The following LRP6 variants were observed in gnomAD, a reference collection of about 807,000 sequenced individuals.
LRP6 encodes low-density lipoprotein receptor-related protein 6.
In LRP6, 43 loss-of-function variants were observed where a neutral mutation model predicts 184.1. That is an observed-to-expected ratio of 0.23 (90% CI 0.18 to 0.30). The LOEUF (loss-of-function observed/expected upper bound fraction) is 0.30, where lower values mean the gene tolerates loss of function less well. Among genes scored for constraint, LRP6 ranks in the 10% least tolerant of loss-of-function variants. The pLI, the probability that LRP6 is intolerant of heterozygous loss-of-function variation, is 1.00. For synonymous variants in LRP6, 719 were observed against 684.9 expected (o/e 1.05, Z -0.78); for missense variants, 1,571 against 2,005.3 (o/e 0.78, Z 4.14).
chr12:12,206,424 T>C (rs1864058214), intron 2 of LRP6, among the ~76,000 whole-genome samples: 1 of 151,314 alleles, frequency 6.6e-6, no homozygotes, highest in South Asian at 2.1e-4. Flanking sequence ...ATGCCTATAG[T>C]CCCAGCTACT....
At chr12:12,169,882 A>G (rs1862985438) in intron 7 of LRP6, among the ~76,000 whole-genome samples, 2 of 152,172 alleles carry the variant, frequency 1.3e-5, no homozygotes, top group Admixed American at 6.5e-5. Flanking sequence ...TTGTAAGCAC[A>G]CTGTTTCCTT....
At chr12:12,197,802 G>C (rs1591937260) in intron 3 of LRP6, among the ~76,000 whole-genome samples, 2 of 152,280 alleles carry the variant, frequency 1.3e-5, no homozygotes, top group East Asian at 3.9e-4. Context: ...CCAACACTTT[G>C]GTAGGCCGAG....
chr12:12,135,843 C>T (rs149805106), intron 16 of LRP6, among the ~76,000 whole-genome samples: 1,737 of 152,146 alleles, frequency 0.011, 30 homozygotes, highest in African/African-American at 0.04. Flanking sequence ...TGGTAAAGCT[C>T]ATCTTAATTT....
intron 10 of LRP6, among the ~76,000 whole-genome samples, chr12:12,160,747 T>G (rs909603874): frequency 2.0e-4 from 30 of 152,370 alleles, no homozygotes; most frequent in African/African-American, 6.7e-4. Context: ...ACTTATCTAA[T>G]GTCTTCAAGC....
In LRP6 at chr12:12,186,969, G is replaced by A. The variant is rs1252896498; in HGVS notation, c.798C>T (p.Phe266=). 1.2e-6 allele frequency: 2 copies of A among 1,614,162 alleles called. No homozygotes were observed. Among genetic ancestry groups the A allele is most frequent in the Non-Finnish European group, 1.7e-6 (2 of 1,180,020 alleles). The change falls in exon 4 of 23, where the codon TTC becomes TTT. Residue 266 remains phenylalanine (F), a synonymous_variant. Coordinates refer to ENST00000261349, the MANE Select transcript of LRP6 (RefSeq NM_002336.3). The part of the protein sequence containing the change: ...EGLREIHSDI[F]SPMDIHAFSQ... Reference sequence around the variant, plus strand: ...TGAAGGCATGTATATCCATGGGAGAGAAGATGTCAGAATGGATTTCACGCA... The same window carrying A: ...TGAAGGCATGTATATCCATGGGAGAAAAGATGTCAGAATGGATTTCACGCA...
At position 12,266,952 on chromosome 12, in the gene LRP6, C is replaced by A; in HGVS notation, c.-217G>T. The A allele has an allele frequency of 1.8e-6, 1 of 559,872 alleles. No individual in the cohort carries two copies. Among genetic ancestry groups the A allele is most frequent in the South Asian group, 2.2e-5 (1 of 45,278 alleles). 34.7% of individuals were successfully genotyped at this position (559,872 alleles called of 1,614,324 possible). Reference sequence around the variant, plus strand: ...CCCCGGGCTCGCGCGACGCCAGCGTCTGCTTCCATCCCGCCGCCTCCTCCC... The same window carrying A: ...CCCCGGGCTCGCGCGACGCCAGCGTATGCTTCCATCCCGCCGCCTCCTCCC... On this transcript the variant is annotated 5_prime_UTR_variant, in exon 1 of 23. Coordinates refer to ENST00000261349, the MANE Select transcript of LRP6 (RefSeq NM_002336.3).
At chr12:12,254,485 G>A (rs1297763401) in intron 1 of LRP6, among the ~76,000 whole-genome samples, 1 of 152,108 alleles carries the variant, frequency 6.6e-6, no homozygotes, top group Non-Finnish European at 1.5e-5. Context: ...ACAATTTAAG[G>A]AGACTATGTT....
chr12:12,164,841 T>C (rs1862828876), intron 8 of LRP6, among the ~76,000 whole-genome samples: 1 of 147,538 alleles, frequency 6.8e-6, no homozygotes, highest in Admixed American at 7.0e-5. Context: ...AAGGTGTGCC[T>C]GTGCATGTGT....
chr12:12,203,560 A>T (rs1369419043), intron 2 of LRP6, among the ~76,000 whole-genome samples, 160 bp from the exon 3 acceptor site: 3 of 152,202 alleles, frequency 2.0e-5, no homozygotes, highest in African/African-American at 7.2e-5. Context: ...AAGTCAAGAG[A>T]TCGAGACCAT....
intron 7 of LRP6, among the ~76,000 whole-genome samples, chr12:12,172,692 T>A (rs1863076750): frequency 6.6e-6 from 1 of 152,242 alleles, no homozygotes; most frequent in Admixed American, 6.5e-5. Context: ...TTGGGGAGCA[T>A]ATTTTTTCTG....
chr12:12,155,566 A>C, intron 12 of LRP6: 1 of 741,908 alleles, frequency 1.3e-6, no homozygotes, highest in South Asian at 1.4e-5. Flanking sequence ...CTAAGAGCCG[A>C]GATAGCTTCC....
intron 2 of LRP6, among the ~76,000 whole-genome samples, chr12:12,219,010 G>C (rs1474594285): frequency 6.6e-6 from 1 of 151,884 alleles, no homozygotes; most frequent in African/African-American, 2.4e-5. Flanking sequence ...AGGCCGAGGC[G>C]GGTGATCACC....
At chr12:12,155,294 C>T in intron 12 of LRP6, 8 of 752,972 alleles carry the variant, frequency 1.1e-5, no homozygotes, top group South Asian at 5.4e-5. Context: ...GGAGAGGCAC[C>T]CGATACGTGT....
chr12:12,251,395 ACT>A (rs1467161066), intron 1 of LRP6, among the ~76,000 whole-genome samples: 1 of 148,280 alleles, frequency 6.7e-6, no homozygotes, highest in East Asian at 2.1e-4. Flanking sequence ...ATGGAGTCTC[ACT>A]CTGTCACCCA....
intron 5 of LRP6, among the ~76,000 whole-genome samples, chr12:12,181,991 CAA>C (rs1222566703): frequency 6.6e-6 from 1 of 152,078 alleles, no homozygotes; most frequent in East Asian, 1.9e-4. Context: ...ACTGTCTTAA[CAA>C]AGAGAAATAC....
intron 1 of LRP6, among the ~76,000 whole-genome samples, chr12:12,252,967 T>C (rs913187817): frequency 1.3e-5 from 2 of 152,204 alleles, no homozygotes; most frequent in Admixed American, 6.5e-5. Flanking sequence ...CACTCTTCTT[T>C]AAAATAAGGT....
At chr12:12,264,364 G>A (rs1424687810) in intron 1 of LRP6, among the ~76,000 whole-genome samples, 1 of 152,164 alleles carries the variant, frequency 6.6e-6, no homozygotes, top group African/African-American at 2.4e-5. Context: ...GACTAGACCA[G>A]AACCACAAAG....
intron 7 of LRP6, among the ~76,000 whole-genome samples, chr12:12,177,077 A>AC (rs995324129): frequency 1.4e-4 from 21 of 152,138 alleles, no homozygotes; most frequent in African/African-American, 5.1e-4. Flanking sequence ...CGAACTCCTG[A>AC]CCTCATGATC....
At chr12:12,200,772 C>A (rs1200541730) in intron 3 of LRP6, among the ~76,000 whole-genome samples, 1 of 152,176 alleles carries the variant, frequency 6.6e-6, no homozygotes, top group Non-Finnish European at 1.5e-5. Context: ...AAAGAAGCAG[C>A]CCATGAAAGC....
Sources: gnomAD v4.1 joint callset for allele counts (sites outside exome capture counted in the v4.1 genomes callset) on GRCh38, gnomAD v4.1.1 for gene constraint, MANE v1.5 for transcripts, NCBI Gene and HGNC (gene_info 2026-07-23, HGNC 2026-07-21) for gene names.